WASHC5: variants seen among roughly 807,000 people sequenced by gnomAD.
The protein encoded by WASHC5 is WASH complex subunit strumpellin.
Under a neutral mutation model 150.4 loss-of-function variants are expected in WASHC5, and 101 were observed. That is an observed-to-expected ratio of 0.67 (90% CI 0.57 to 0.79). The LOEUF (loss-of-function observed/expected upper bound fraction) is 0.79. Ranked by LOEUF, WASHC5 falls within the 30% of genes least tolerant of loss-of-function variation. The probability of loss-of-function intolerance (pLI) is 0.00; values close to 1 mark genes in which losing one functional copy is unlikely to be tolerated. For missense variants in WASHC5, 1,195 were observed against 1,396.3 expected (o/e 0.86, Z 2.30); for synonymous variants, 467 against 491.2 (o/e 0.95, Z 0.65).
intron 17 of WASHC5, among the ~76,000 whole-genome samples, chr8:125,052,281 A>G (rs904475573): frequency 2.0e-5 from 3 of 152,228 alleles, no homozygotes; most frequent in Admixed American, 1.3e-4. Flanking sequence ...TCGTGAATCT[A>G]AAGATCGCAT....
At chr8:125,081,173 A>G (rs1180840631) in intron 5 of WASHC5, among the ~76,000 whole-genome samples, 1 of 151,886 alleles carries the variant, frequency 6.6e-6, no homozygotes, top group African/African-American at 2.4e-5. Flanking sequence ...TATAATTTAT[A>G]ATCATTATGA....
In WASHC5 at chr8:125,073,260, CCTT is replaced by C. The variant is rs764020658; in HGVS notation, c.1040_1042del (p.Glu347del). 3.9e-5 allele frequency: 63 copies of C among 1,613,894 alleles called. No individual in the cohort carries two copies. The highest frequency in any genetic ancestry group is 5.2e-5 in the Non-Finnish European group (61 of 1,179,914). On this transcript the variant is annotated inframe_deletion, in exon 9 of 29. Coordinates refer to ENST00000318410, the MANE Select transcript of WASHC5 (RefSeq NM_014846.4). ...CAGAACCATCTCCTCCCTTAAATAACCTTCTTTTAGAAATTGCTGCACTTGAGC... is the reference window on the plus strand; with the variant it reads ...CAGAACCATCTCCTCCCTTAAATAACCTTTTAGAAATTGCTGCACTTGAGC...
intron 1 of WASHC5, among the ~76,000 whole-genome samples, chr8:125,085,070 A>G (rs887858443): frequency 6.6e-6 from 1 of 152,250 alleles, no homozygotes; most frequent in Non-Finnish European, 1.5e-5. Context: ...TAAGGAGTGC[A>G]TAAATAATAC....
At chr8:125,054,317 T>C (rs1384877669) in intron 17 of WASHC5, among the ~76,000 whole-genome samples, 1 of 152,158 alleles carries the variant, frequency 6.6e-6, no homozygotes, top group East Asian at 1.9e-4. Context: ...AGAATGAGAC[T>C]TAGAGCACAA....
chr8:125,055,820 C>G lies in WASHC5; in HGVS notation c.2017-149G>C, dbSNP rs117915955. On this transcript the variant is annotated intron_variant, in intron 16 of 28. Coordinates refer to ENST00000318410, the MANE Select transcript of WASHC5 (RefSeq NM_014846.4). Reference sequence around the variant, plus strand: ...GCTCTGTGGTACAACTGAAAGCCCACTGTTAGACATATTGGGTAACAGAGT... The same window carrying G: ...GCTCTGTGGTACAACTGAAAGCCCAGTGTTAGACATATTGGGTAACAGAGT... 66 of 679,780 alleles carry G rather than the reference C, an allele frequency of 9.7e-5. 2 individuals carry two copies. The South Asian group carries it at 1.0e-3, about 10-fold the overall frequency. 42.1% of individuals were successfully genotyped at this position (679,780 alleles called of 1,614,324 possible).
chr8:125,035,509 T>G (rs962205123), intron 26 of WASHC5, among the ~76,000 whole-genome samples: 1 of 152,238 alleles, frequency 6.6e-6, no homozygotes, highest in East Asian at 1.9e-4. Context: ...TACATTACAC[T>G]TGGGATGGCC....
In WASHC5 at chr8:125,072,238, C is replaced by T. The variant is rs562783731; in HGVS notation, c.1150+915G>A. Reference sequence around the variant, plus strand: ...ACACACCTGTAGTCCCAGCTGCTTGCGGGGATTGCGGAAGTTGTATCGCTT... The same window carrying T: ...ACACACCTGTAGTCCCAGCTGCTTGTGGGGATTGCGGAAGTTGTATCGCTT... On this transcript the variant is annotated intron_variant, in intron 9 of 28. Transcript: ENST00000318410. Among the ~76,000 whole-genome samples, 403 of 149,642 alleles carry T rather than the reference C, an allele frequency of 2.7e-3. 2 individuals are homozygous for T. Among genetic ancestry groups the T allele is most frequent in the African/African-American group, 9.6e-3 (389 of 40,652 alleles).
At chr8:125,078,192 G>A (rs1476081989) in intron 6 of WASHC5, among the ~76,000 whole-genome samples, 6 of 152,164 alleles carry the variant, frequency 3.9e-5, no homozygotes, top group Non-Finnish European at 7.3e-5. Flanking sequence ...GGAGTGGGGC[G>A]ATTTTCAAAT....
chr8:125,043,780 T>TA, intron 23 of WASHC5, 45 bp downstream of exon 23: 2 of 1,380,712 alleles, frequency 1.4e-6, no homozygotes, highest in Non-Finnish European at 1.0e-6. Context: ...ATAAAAAATT[T>TA]AAAAATGTAA....
At chr8:125,086,901 G>A (rs1181530687) in intron 1 of WASHC5, among the ~76,000 whole-genome samples, 1 of 152,184 alleles carries the variant, frequency 6.6e-6, no homozygotes, top group Non-Finnish European at 1.5e-5. Context: ...GTGCCGACGT[G>A]TGACTTGGGT....
chr8:125,054,364 A>C (rs992288550), intron 17 of WASHC5, among the ~76,000 whole-genome samples: 1 of 152,244 alleles, frequency 6.6e-6, no homozygotes, highest in African/African-American at 2.4e-5. Context: ...TGCACACATC[A>C]AATAATGCCA....
At chr8:125,069,118 G>C (rs914599180) in intron 9 of WASHC5, among the ~76,000 whole-genome samples, 1 of 152,090 alleles carries the variant, frequency 6.6e-6, no homozygotes, top group African/African-American at 2.4e-5. Context: ...TGTTATGAGG[G>C]GTCCACCCTC....
At chr8:125,032,838 A>G (rs980625669) in intron 26 of WASHC5, 2 of 191,802 alleles carry the variant, frequency 1.0e-5, no homozygotes, top group Non-Finnish European at 2.1e-5. Flanking sequence ...AGTAATATAT[A>G]TACATAAAGA....
In WASHC5 at chr8:125,038,805, G is replaced by A. The variant is rs141278432; in HGVS notation, c.3084+25C>T. 284 of 1,612,632 alleles carry A rather than the reference G, an allele frequency of 1.8e-4. 1 individual carries two copies. In the East Asian group the frequency reaches 2.9e-3, roughly 16 times the overall value. Reference sequence around the variant, plus strand: ...AATACCATTCTGTACCCCCATCCCCGCCATTATATATTTTAATTACTCACC... The same window carrying A: ...AATACCATTCTGTACCCCCATCCCCACCATTATATATTTTAATTACTCACC... On this transcript the variant is annotated intron_variant, in intron 25 of 28. Transcript: ENST00000318410.
At chr8:125,051,767 G>T (rs910760638) in intron 17 of WASHC5, among the ~76,000 whole-genome samples, 2 of 152,140 alleles carry the variant, frequency 1.3e-5, no homozygotes, top group Non-Finnish European at 2.9e-5. Flanking sequence ...CATGCCTGTT[G>T]TCCCAGTTAC....
intron 1 of WASHC5, among the ~76,000 whole-genome samples, chr8:125,085,363 T>C (rs997510978): frequency 1.1e-4 from 16 of 152,194 alleles, no homozygotes; most frequent in Non-Finnish European, 1.9e-4. Context: ...TTTTAGTATG[T>C]AACACTTAAA....
At chr8:125,068,653 G>T (rs1221573550) in intron 9 of WASHC5, among the ~76,000 whole-genome samples, 1 of 152,128 alleles carries the variant, frequency 6.6e-6, no homozygotes, top group African/African-American at 2.4e-5. Flanking sequence ...AACAAGGAAG[G>T]GTTCCTCACA....
chr8:125,055,218 G>C (rs1308162212), intron 17 of WASHC5, among the ~76,000 whole-genome samples: 2 of 152,202 alleles, frequency 1.3e-5, no homozygotes, highest in Non-Finnish European at 1.5e-5. Context: ...GAGGTCAGGA[G>C]TTTGAGACCA....
rs754743909 is a variant in WASHC5 at position 125,037,230 on chromosome 8, T to C, written c.3181+7A>G. 1.3e-6 allele frequency: 2 copies of C among 1,520,028 alleles called. No individual in the cohort carries two copies. The highest frequency in any genetic ancestry group is 1.8e-6 in the Non-Finnish European group (2 of 1,094,646). 94.2% of individuals were successfully genotyped at this position (1,520,028 alleles called of 1,614,324 possible). On this transcript the variant is annotated splice_region_variant and intron_variant, in intron 26 of 28. Transcript: ENST00000318410. ...TACTCATTGCAAATAATAAATGTTATACGTACCCAGATTTTTGTTGTATTG... is the reference window on the plus strand; with the variant it reads ...TACTCATTGCAAATAATAAATGTTACACGTACCCAGATTTTTGTTGTATTG...
Sources: gnomAD v4.1 joint callset for allele counts (sites outside exome capture counted in the v4.1 genomes callset) on GRCh38, gnomAD v4.1.1 for gene constraint, MANE v1.5 for transcripts, NCBI Gene and HGNC (gene_info 2026-07-23, HGNC 2026-07-21) for gene names.